GNA12: variants seen among roughly 807,000 people sequenced by gnomAD.
The protein encoded by GNA12 is G protein subunit alpha 12, also known as guanine nucleotide-binding protein subunit alpha-12.
Under a neutral mutation model 26.0 loss-of-function variants are expected in GNA12, and 9 were observed. The ratio of observed to expected loss-of-function variants is 0.35; its 90% CI spans 0.21 to 0.60. The LOEUF (loss-of-function observed/expected upper bound fraction) is 0.60, where lower values mean the gene tolerates loss of function less well. Among genes scored for constraint, GNA12 ranks in the 20% least tolerant of loss-of-function variants. The pLI is 0.78. For synonymous variants in GNA12, 264 were observed against 219.6 expected (o/e 1.20, Z -1.79); for missense variants, 405 against 525.8 (o/e 0.77, Z 2.25).
At chr7:2,804,520 T>A (rs914607748) in intron 1 of GNA12, among the ~76,000 whole-genome samples, 1 of 152,190 alleles carries the variant, frequency 6.6e-6, no homozygotes, top group Non-Finnish European at 1.5e-5. Context: ...TCAAAGCCAA[T>A]AGGACTGGGC....
intron 2 of GNA12, among the ~76,000 whole-genome samples, chr7:2,777,823 G>A (rs1000645339): frequency 5.3e-5 from 8 of 152,252 alleles, no homozygotes; most frequent in Admixed American, 1.3e-4. Context: ...CTACTCCTGG[G>A]GAATCTGCCC....
intron 2 of GNA12, among the ~76,000 whole-genome samples, chr7:2,733,903 C>T (rs544739256): frequency 1.3e-5 from 2 of 152,274 alleles, no homozygotes; most frequent in South Asian, 2.1e-4. Flanking sequence ...TTGCTTCTGT[C>T]GAAGATGGCC....
At chr7:2,821,757 CAT>C (rs1198939886) in intron 1 of GNA12, among the ~76,000 whole-genome samples, 1 of 152,236 alleles carries the variant, frequency 6.6e-6, no homozygotes, top group African/African-American at 2.4e-5. Flanking sequence ...TGCCAGGAAA[CAT>C]GAGGTTACAC....
intron 1 of GNA12, among the ~76,000 whole-genome samples, chr7:2,798,779 T>G (rs945101701): frequency 6.6e-6 from 1 of 152,226 alleles, no homozygotes; most frequent in Admixed American, 6.5e-5. Flanking sequence ...CAAGACTGTG[T>G]GGTATTGGTG....
chr7:2,737,534 C>A (rs903303569), intron 2 of GNA12, among the ~76,000 whole-genome samples: 11 of 152,112 alleles, frequency 7.2e-5, no homozygotes, highest in African/African-American at 2.7e-4. Flanking sequence ...GGTAATCCAC[C>A]CACCTCAGCC....
chr7:2,746,831 G>C (rs1790787380), intron 2 of GNA12, among the ~76,000 whole-genome samples: 1 of 152,050 alleles, frequency 6.6e-6, no homozygotes, highest in Admixed American at 6.6e-5. Context: ...AAATGATAAA[G>C]GGGATATCAT....
intron 2 of GNA12, among the ~76,000 whole-genome samples, chr7:2,759,980 A>G (rs1791481103): frequency 6.6e-6 from 1 of 152,254 alleles, no homozygotes; most frequent in Non-Finnish European, 1.5e-5. Context: ...GCTTTGTCAC[A>G]TGACCACAAA....
chr7:2,780,868 G>T (rs1056534157), intron 2 of GNA12, among the ~76,000 whole-genome samples: 1 of 152,082 alleles, frequency 6.6e-6, no homozygotes, highest in Non-Finnish European at 1.5e-5. Flanking sequence ...TTCATACCTA[G>T]GATTGGGATT....
chr7:2,804,414 T>C (rs570841596), intron 1 of GNA12, among the ~76,000 whole-genome samples: 2 of 152,304 alleles, frequency 1.3e-5, no homozygotes, highest in Non-Finnish European at 2.9e-5. Context: ...CGCGTGTACA[T>C]ACACCGGGTT....
At position 2,844,233 on chromosome 7, in the gene GNA12, C is replaced by A. The variant is rs1779100271; in HGVS notation, c.-72G>T. 2 of 769,660 alleles carry A rather than the reference C, an allele frequency of 2.6e-6. No individual in the cohort carries two copies. The highest frequency in any genetic ancestry group is 1.3e-4 in the East Asian group (1 of 7,690). 47.7% of individuals were successfully genotyped at this position (769,660 alleles called of 1,614,324 possible). A position where few individuals can be genotyped will look rare whatever the true frequency, so the allele number is the denominator to read the frequency against. ...GACGCTCCCGCCGGCGAGGGCGAGC[C>A]CGGGCCGAGGCACCGCCCCACGCCC... is the stretch of plus-strand genomic sequence containing the variant. On this transcript the variant is annotated 5_prime_UTR_variant, in exon 1 of 4. Transcript: ENST00000275364.
At chr7:2,840,776 C>T (rs188778514) in intron 1 of GNA12, among the ~76,000 whole-genome samples, 42 of 152,106 alleles carry the variant, frequency 2.8e-4, no homozygotes, top group Middle Eastern at 3.4e-3. Context: ...CTTGAGCCCA[C>T]GAGGCGACGC....
chr7:2,731,508 G>C lies in GNA12; in HGVS notation c.819C>G (p.Ser273=), dbSNP rs1789893849. The C allele has an allele frequency of 6.2e-7, 1 of 1,613,410 alleles. No homozygotes were observed. Among genetic ancestry groups the C allele is most frequent in the African/African-American group, 1.3e-5 (1 of 75,018 alleles). ...EDRRTNRLVE[S]MNIFETIVNN... ...TGACGATGGTCTCGAAGATGTTCAT[G>C]GACTCCACCAGCCGGTTGGTGCGCC... The change falls in exon 4 of 4, where the codon TCC becomes TCG. Residue 273 remains serine (S), a synonymous_variant. Coordinates refer to ENST00000275364, the MANE Select transcript of GNA12 (RefSeq NM_007353.3). The surrounding 1 kb of genome is among the most constrained non-coding windows in gnomAD (Gnocchi z 6.0).
intron 3 of GNA12, among the ~76,000 whole-genome samples, chr7:2,732,583 A>C (rs1398691439): frequency 1.3e-5 from 2 of 152,034 alleles, no homozygotes; most frequent in Admixed American, 1.3e-4. Context: ...AAAACCAACA[A>C]AACACCTCCC....
chr7:2,769,726 C>G (rs1302925754), intron 2 of GNA12, among the ~76,000 whole-genome samples: 1 of 151,924 alleles, frequency 6.6e-6, no homozygotes, highest in African/African-American at 2.4e-5. Flanking sequence ...GAGTGAGACT[C>G]TGTCTCAGAA....
rs11975552 is a variant in GNA12 at position 2,739,642 on chromosome 7, T to C, written c.526-6141A>G. Among the ~76,000 whole-genome samples the C allele has an allele frequency of 4.6e-3, 704 of 152,320 alleles. 8 individuals carry two copies. Among genetic ancestry groups the C allele is most frequent in the African/African-American group, 0.016 (661 of 41,562 alleles). Reference sequence around the variant, plus strand: ...AATATCTGTTTTCATTTCTTGAGTATACACCTAGGAGTGAAACTGTAGCAT... The same window carrying C: ...AATATCTGTTTTCATTTCTTGAGTACACACCTAGGAGTGAAACTGTAGCAT... On this transcript the variant is annotated intron_variant, in intron 2 of 3. Coordinates refer to ENST00000275364, the MANE Select transcript of GNA12 (RefSeq NM_007353.3).
At chr7:2,840,349 C>T (rs1484469452) in intron 1 of GNA12, among the ~76,000 whole-genome samples, 1 of 152,164 alleles carries the variant, frequency 6.6e-6, no homozygotes, top group East Asian at 1.9e-4. Context: ...TGTCTCTATC[C>T]TCAATTTCCT....
intron 2 of GNA12, among the ~76,000 whole-genome samples, chr7:2,743,925 G>C (rs1335278150): frequency 3.3e-5 from 5 of 152,024 alleles, no homozygotes; most frequent in Middle Eastern, 3.4e-3. Context: ...CTCATTGCTA[G>C]CACAGCAGTC....
intron 2 of GNA12, among the ~76,000 whole-genome samples, chr7:2,741,431 C>T (rs978892798): frequency 1.3e-5 from 2 of 152,168 alleles, no homozygotes; most frequent in Admixed American, 1.3e-4. Flanking sequence ...GCTTCCACCA[C>T]AGAATCTCTA....
chr7:2,817,917 A>T (rs1351225681), intron 1 of GNA12, among the ~76,000 whole-genome samples: 1 of 152,196 alleles, frequency 6.6e-6, no homozygotes. Flanking sequence ...CTCCATAAGT[A>T]CACTACACAT....
Sources: gnomAD v4.1 joint callset for allele counts (sites outside exome capture counted in the v4.1 genomes callset) on GRCh38, gnomAD v4.1.1 for gene constraint, Gnocchi (gnomAD v3.1) non-coding constraint, MANE v1.5 for transcripts, NCBI Gene and HGNC (gene_info 2026-07-23, HGNC 2026-07-21) for gene names.